ITK: variants seen among roughly 807,000 people sequenced by gnomAD.
ITK encodes tyrosine-protein kinase ITK/TSK.
ITK carries 45 observed loss-of-function variants against 87.6 expected under a neutral mutation model. That is an observed-to-expected ratio of 0.51 (90% CI 0.40 to 0.66). The LOEUF (loss-of-function observed/expected upper bound fraction) is 0.66, where lower values mean the gene tolerates loss of function less well. Ranked by LOEUF, ITK falls within the 30% of genes least tolerant of loss-of-function variation. ITK has a pLI of 0.00. For missense variants in ITK, 605 were observed against 766.3 expected, an observed-to-expected ratio of 0.79 and a Z score of 2.48; for synonymous variants, 303 against 273.6, an observed-to-expected ratio of 1.11 and a Z score of -1.06.
At chr5:157,188,683 C>T (rs1000487055) in intron 1 of ITK, among the ~76,000 whole-genome samples, 7 of 152,256 alleles carry the variant, frequency 4.6e-5, no homozygotes, top group East Asian at 1.9e-4. Context: ...AATGCAGTGG[C>T]GGAATCTTGG....
At chr5:157,246,119 A>C (rs1042205429) in intron 15 of ITK, 120 bp downstream of exon 15, 2 of 799,466 alleles carry the variant, frequency 2.5e-6, no homozygotes, top group Non-Finnish European at 4.5e-6. Flanking sequence ...AGGGTGTCCC[A>C]CTGGAGGGTT....
chr5:157,197,343 G>A (rs1456045041), intron 1 of ITK, among the ~76,000 whole-genome samples: 1 of 152,180 alleles, frequency 6.6e-6, no homozygotes, highest in Non-Finnish European at 1.5e-5. Context: ...CCCAGCATTT[G>A]ATGCATACCC....
intron 2 of ITK, 49 bp downstream of exon 2, chr5:157,209,042 A>C: frequency 7.9e-7 from 1 of 1,268,282 alleles, no homozygotes; most frequent in Non-Finnish European, 1.2e-6. Context: ...TGTGGTTAAA[A>C]TCTTCAGTCA....
intron 1 of ITK, among the ~76,000 whole-genome samples, chr5:157,185,347 C>T (rs1444979236): frequency 6.6e-6 from 1 of 151,638 alleles, no homozygotes. Context: ...CAAGTGATTC[C>T]TCTGCCTCAG....
rs550480163 is a variant in ITK, at chr5:157,243,439, C to G, written c.1061-184C>G. On this transcript the variant is annotated intron_variant, in intron 11 of 16. Coordinates refer to ENST00000422843, the MANE Select transcript of ITK (RefSeq NM_005546.4). ...CTTCTTTCCATGTTACCTTCCCACA[C>G]ATATTTTCATAGTTTTCTAGCATAT... Among the ~76,000 whole-genome samples the G allele has an allele frequency of 6.6e-6, 1 of 152,282 alleles. No individual in the cohort carries two copies. Among genetic ancestry groups the G allele is most frequent in the East Asian group, 1.9e-4 (1 of 5,188 alleles).
rs565638406 is a variant in ITK at position 157,225,986 on chromosome 5, G to T, written c.648-2310G>T. ...ATGCACTTCAAAGGGCATCAAAGAG[G>T]ACACCCCAGCAGCCAGTCAGCATTA... On this transcript the variant is annotated intron_variant, in intron 6 of 16. Coordinates refer to ENST00000422843, the MANE Select transcript of ITK (RefSeq NM_005546.4). 4.0e-4 allele frequency among the ~76,000 whole-genome samples: 61 copies of T among 152,268 alleles called. 1 individual carries two copies. The highest frequency in any genetic ancestry group is 8.3e-4 in the South Asian group (4 of 4,826).
At chr5:157,185,561 C>G (rs1323709319) in intron 1 of ITK, among the ~76,000 whole-genome samples, 1 of 151,774 alleles carries the variant, frequency 6.6e-6, no homozygotes, top group Non-Finnish European at 1.5e-5. Context: ...AATAATTAAG[C>G]AAGGCCAGAC....
In ITK at chr5:157,240,195, G is replaced by A; in HGVS notation, c.985G>A (p.Gly329Ser). Residue 329 changes from glycine to serine, a missense_variant and splice_region_variant, in exon 10 of 17, where the codon GGC (glycine) becomes AGC (serine). Coordinates refer to ENST00000422843, the MANE Select transcript of ITK (RefSeq NM_005546.4). Reference protein sequence around the residue: ...LINYHQHNGGGLVTRLRYPVC... With the variant: ...LINYHQHNGGSLVTRLRYPVC... Reference sequence around the variant, plus strand: ...CAACTATCACCAACATAATGGAGGAGGTAAGCTCTAGAGCAGGGGTGGACC... The same window carrying A: ...CAACTATCACCAACATAATGGAGGAAGTAAGCTCTAGAGCAGGGGTGGACC... The A allele has an allele frequency of 1.2e-6, 2 of 1,614,080 alleles. No homozygotes were observed. Among genetic ancestry groups the A allele is most frequent in the South Asian group, 1.1e-5 (1 of 91,074 alleles).
chr5:157,185,998 C>T (rs569214071), intron 1 of ITK, among the ~76,000 whole-genome samples: 1 of 152,218 alleles, frequency 6.6e-6, no homozygotes, highest in African/African-American at 2.4e-5. Context: ...TTTCACCTAA[C>T]CATTATAACC....
At chr5:157,226,859 G>A (rs999925295) in intron 6 of ITK, among the ~76,000 whole-genome samples, 7 of 152,030 alleles carry the variant, frequency 4.6e-5, no homozygotes, top group African/African-American at 1.7e-4. Flanking sequence ...GAGTGCAGTG[G>A]CACGATCTCA....
intron 1 of ITK, among the ~76,000 whole-genome samples, chr5:157,194,374 C>T (rs543797179): frequency 1.4e-3 from 214 of 152,282 alleles, no homozygotes; most frequent in African/African-American, 2.8e-3. Context: ...AGGAAAGATG[C>T]TGTATCCGCC....
At chr5:157,207,214 G>A (rs1420235613) in intron 1 of ITK, among the ~76,000 whole-genome samples, 1 of 151,900 alleles carries the variant, frequency 6.6e-6, no homozygotes, top group African/African-American at 2.4e-5. Context: ...TTTGCCTTCA[G>A]TATTTGTTCT....
intron 1 of ITK, among the ~76,000 whole-genome samples, chr5:157,194,625 G>A (rs1202175435): frequency 6.6e-6 from 1 of 152,162 alleles, no homozygotes; most frequent in Admixed American, 6.5e-5. Flanking sequence ...CCAATTTGGT[G>A]TTTCCCAAAG....
chr5:157,240,394 G>A, intron 10 of ITK, 199 bp downstream of exon 10: 2 of 625,306 alleles, frequency 3.2e-6, no homozygotes, highest in Non-Finnish European at 5.8e-6. Context: ...GATGATCTGA[G>A]ATGGAACAGT....
chr5:157,203,936 G>C (rs1339124704), intron 1 of ITK, among the ~76,000 whole-genome samples: 1 of 152,140 alleles, frequency 6.6e-6, no homozygotes. Context: ...GCTACCTCAG[G>C]GTTATGGGGA....
At chr5:157,233,380 T>C (rs191147998) in intron 8 of ITK, among the ~76,000 whole-genome samples, 8 of 152,106 alleles carry the variant, frequency 5.3e-5, no homozygotes, top group African/African-American at 1.2e-4. Context: ...TCCAGAGGAG[T>C]TGGGAAAGAT....
intron 1 of ITK, among the ~76,000 whole-genome samples, chr5:157,186,748 C>A (rs1457071260): frequency 6.6e-6 from 1 of 152,016 alleles, no homozygotes; most frequent in Non-Finnish European, 1.5e-5. Context: ...CTCCTAGAAT[C>A]TCCCCAGATT....
Position 157,253,916 on chromosome 5 carries a change from C to G in ITK, c.*1238C>G, listed in dbSNP as rs374486535. ...TGTACTGAGCTAGGAGACTTCCCTG[C>G]AAAATCTCTGTTCACCCTGGGTTCA... is the stretch of plus-strand genomic sequence containing the variant. On this transcript the variant is annotated 3_prime_UTR_variant, in exon 17 of 17. Transcript: ENST00000422843. The G allele has an allele frequency of 4.5e-6, 1 of 222,232 alleles. No individual in the cohort carries two copies. 13.8% of individuals were successfully genotyped at this position (222,232 alleles called of 1,614,324 possible).
Position 157,252,859 on chromosome 5 carries a change from C to T in ITK, c.*181C>T, listed in dbSNP as rs1168515011. On this transcript the variant is annotated 3_prime_UTR_variant, in exon 17 of 17. Coordinates refer to ENST00000422843, the MANE Select transcript of ITK (RefSeq NM_005546.4). The stretch of plus-strand genomic sequence containing the variant: ...CTGACCACAGCTGGCAGTCAAGCCA[C>T]AGCTGGAGGGTCAGCCACCAAGCTG... 3.1e-6 allele frequency: 2 copies of T among 651,440 alleles called. No homozygotes were observed. Among genetic ancestry groups the T allele is most frequent in the African/African-American group, 1.8e-5 (1 of 56,158 alleles). The allele number at this position is 651,440 out of a possible 1,614,324, so 40.4% of individuals were successfully genotyped here.
Sources: gnomAD v4.1 joint callset for allele counts (sites outside exome capture counted in the v4.1 genomes callset) on GRCh38, gnomAD v4.1.1 for gene constraint, MANE v1.5 for transcripts, NCBI Gene and HGNC (gene_info 2026-07-23, HGNC 2026-07-21) for gene names.